The following RMDN2 variants were observed in gnomAD, a reference collection of about 807,000 sequenced individuals.
RMDN2 encodes regulator of microtubule dynamics 2, also known as regulator of microtubule dynamics protein 2.
In RMDN2, 61 loss-of-function variants were observed where a neutral mutation model predicts 52.8. The observed-to-expected ratio is 1.16, with a 90% CI of 0.94 to 1.43. The LOEUF (loss-of-function observed/expected upper bound fraction) is 1.43, where lower values mean the gene tolerates loss of function less well. Ranked by LOEUF, RMDN2 falls within the 40% of genes most tolerant of loss-of-function variation. RMDN2 has a pLI of 0.00. For synonymous variants in RMDN2, 180 were observed against 153.1 expected (o/e 1.18, Z -1.30); for missense variants, 592 against 475.3 (o/e 1.25, Z -2.28).
At chr2:37,940,672 A>G (rs772205803) in intron 2 of RMDN2, among the ~76,000 whole-genome samples, 8 of 151,864 alleles carry the variant, frequency 5.3e-5, no homozygotes, top group East Asian at 1.9e-4. Context: ...CACTTGATCA[A>G]TTTGGCTATT....
chr2:37,978,379 C>T (rs915176780), intron 4 of RMDN2, among the ~76,000 whole-genome samples: 9 of 151,842 alleles, frequency 5.9e-5, no homozygotes, highest in Non-Finnish European at 1.3e-4. Flanking sequence ...TAAGTACCTG[C>T]CCTACCCTGG....
At chr2:38,060,052 G>A (rs1050692074) in intron 10 of RMDN2, among the ~76,000 whole-genome samples, 1 of 150,320 alleles carries the variant, frequency 6.7e-6, no homozygotes, top group Non-Finnish European at 1.5e-5. Context: ...TGTGTGCCAC[G>A]ACGCCCAGCT....
intron 2 of RMDN2, among the ~76,000 whole-genome samples, chr2:37,958,273 A>G (rs1021942749): frequency 2.6e-5 from 4 of 152,332 alleles, no homozygotes; most frequent in East Asian, 3.9e-4. Flanking sequence ...CTTTGTATCC[A>G]TGAGTGTGGA....
At position 37,951,358 on chromosome 2, in the gene RMDN2, A is replaced by T. The variant is rs1462179916; in HGVS notation, c.452+21629A>T. On this transcript the variant is annotated intron_variant, in intron 2 of 10. Coordinates refer to ENST00000354545, the MANE Select transcript of RMDN2 (RefSeq NM_001170791.3). ...ATATCTCTTGGTCATAAAACATCTT[A>T]TTCCCCTGTAACACATAAAGTCAAT... is the stretch of plus-strand genomic sequence containing the variant. 1.2e-6 allele frequency: 2 copies of T among 1,613,192 alleles called. No individual in the cohort carries two copies. Among genetic ancestry groups the T allele is most frequent in the Admixed American group, 1.7e-5 (1 of 59,904 alleles).
chr2:37,975,005 A>C, intron 3 of RMDN2: 1 of 535,828 alleles, frequency 1.9e-6, no homozygotes, highest in Non-Finnish European at 3.3e-6. Flanking sequence ...TTTAAGATCC[A>C]AATGTAACAC....
chr2:38,027,978 T>C (rs1211362434), intron 10 of RMDN2: 2 of 152,208 alleles, frequency 1.3e-5, no homozygotes, highest in Admixed American at 1.3e-4. Flanking sequence ...GATATAATGA[T>C]AGTGACCTCC....
chr2:37,931,859 TG>T (rs1440867310), intron 2 of RMDN2, among the ~76,000 whole-genome samples: 1 of 152,176 alleles, frequency 6.6e-6, no homozygotes, highest in Non-Finnish European at 1.5e-5. Context: ...TGCTTGATCC[TG>T]GGTGCCTTTG....
intron 4 of RMDN2, among the ~76,000 whole-genome samples, chr2:37,980,515 A>G (rs1009405121): frequency 6.6e-6 from 1 of 151,938 alleles, no homozygotes; most frequent in Non-Finnish European, 1.5e-5. Context: ...TGTTGGCCAG[A>G]TTGGTCTCGA....
At chr2:37,962,526 G>C (rs889132429) in intron 2 of RMDN2, among the ~76,000 whole-genome samples, 2 of 152,150 alleles carry the variant, frequency 1.3e-5, no homozygotes, top group African/African-American at 4.8e-5. Flanking sequence ...CTCAGTAATG[G>C]TGGACGCCCC....
At chr2:37,960,623 G>T (rs1403595704) in intron 2 of RMDN2, among the ~76,000 whole-genome samples, 1 of 151,964 alleles carries the variant, frequency 6.6e-6, no homozygotes, top group East Asian at 1.9e-4. Context: ...TTTTAATTGG[G>T]GAATTTAGTC....
intron 8 of RMDN2, among the ~76,000 whole-genome samples, chr2:38,002,482 TC>T (rs199601206): frequency 0.016 from 2,438 of 152,302 alleles, 59 homozygotes; most frequent in African/African-American, 0.056. Context: ...GGAAAAAAAG[TC>T]TGGAGCCAAT....
At chr2:37,952,959 A>G (rs1472850172) in intron 2 of RMDN2, 2 of 151,976 alleles carry the variant, frequency 1.3e-5, no homozygotes, top group African/African-American at 2.4e-5. Context: ...TAAAGTATTT[A>G]TCAAAGTAGC....
upstream of RMDN2, among the ~76,000 whole-genome samples, chr2:37,925,093 C>G (rs1666158172): frequency 6.6e-6 from 1 of 152,176 alleles, no homozygotes; most frequent in African/African-American, 2.4e-5. Context: ...GGAAAAGGTG[C>G]CGACCGGCTT....
chr2:38,046,996 AAAG>A (rs1681314832), intron 10 of RMDN2, among the ~76,000 whole-genome samples: 1 of 152,168 alleles, frequency 6.6e-6, no homozygotes, highest in South Asian at 2.1e-4. Flanking sequence ...AAAAAACAAA[AAAG>A]AGCCCAGAAG....
intron 10 of RMDN2, among the ~76,000 whole-genome samples, chr2:38,063,531 C>G (rs1306092406): frequency 6.6e-6 from 1 of 152,060 alleles, no homozygotes; most frequent in Non-Finnish European, 1.5e-5. Context: ...GTAATGGCAA[C>G]AAAAGCCAAA....
intron 10 of RMDN2, among the ~76,000 whole-genome samples, chr2:38,005,799 G>T (rs567140045): frequency 9.2e-5 from 14 of 152,266 alleles, no homozygotes; most frequent in Admixed American, 6.5e-4. Flanking sequence ...CTGAATGGTA[G>T]TGCCTAAGTT....
intron 10 of RMDN2, 44 bp downstream of exon 10, chr2:38,004,260 C>G (rs757519033): frequency 7.6e-7 from 1 of 1,314,668 alleles, no homozygotes; most frequent in African/African-American, 1.4e-5. Flanking sequence ...CTTGTTAGTA[C>G]TATTCGAGCT....
At chr2:37,990,778 C>G (rs1001453520) in intron 6 of RMDN2, among the ~76,000 whole-genome samples, 5 of 152,120 alleles carry the variant, frequency 3.3e-5, no homozygotes, top group African/African-American at 4.8e-5. Flanking sequence ...AACTGTTCTT[C>G]CCTATTTTCC....
At chr2:37,952,968 G>C (rs1305990075) in intron 2 of RMDN2, 2 of 151,770 alleles carry the variant, frequency 1.3e-5, no homozygotes, top group African/African-American at 2.4e-5. Context: ...TATCAAAGTA[G>C]CTAATGAATA....
Sources: allele counts gnomAD v4.1 joint callset (sites outside exome capture counted in the v4.1 genomes callset), GRCh38; gene constraint gnomAD v4.1.1; transcripts MANE v1.5; gene names NCBI Gene and HGNC (gene_info 2026-07-23, HGNC 2026-07-21).